The following MYBPC1 variants were observed in gnomAD, a reference collection of about 807,000 sequenced individuals.
MYBPC1 encodes myosin binding protein C1.
A neutral mutation model predicts 147.1 loss-of-function variants in MYBPC1; 52 were observed. The ratio of observed to expected loss-of-function variants is 0.35; its 90% CI spans 0.28 to 0.45. The LOEUF (loss-of-function observed/expected upper bound fraction) is 0.45, where lower values mean the gene tolerates loss of function less well. MYBPC1 is among the 20% of genes least tolerant of loss of function. MYBPC1 has a pLI of 1.00. For missense variants in MYBPC1, 1,228 were observed against 1,440.3 expected, an observed-to-expected ratio of 0.85 and a Z score of 2.39; for synonymous variants, 477 against 475.9, an observed-to-expected ratio of 1.00 and a Z score of -0.03.
chr12:101,622,056 G>A (rs73386364), intron 3 of MYBPC1, among the ~76,000 whole-genome samples: 5,235 of 152,232 alleles, frequency 0.034, 307 homozygotes, highest in African/African-American at 0.12. Context: ...GCCCTGCTAC[G>A]CTGAGTGTGT....
intron 10 of MYBPC1, among the ~76,000 whole-genome samples, chr12:101,641,405 CAA>C (rs1892010702): frequency 6.6e-6 from 1 of 152,084 alleles, no homozygotes; most frequent in African/African-American, 2.4e-5. Flanking sequence ...GCCTGTTTTC[CAA>C]AAGAGTGTTT....
chr12:101,668,470 T>C (rs984559686), intron 23 of MYBPC1, among the ~76,000 whole-genome samples: 10 of 152,146 alleles, frequency 6.6e-5, no homozygotes, highest in Non-Finnish European at 1.2e-4. Flanking sequence ...GTCTCTTTTT[T>C]TTATTTTTGA....
chr12:101,604,009 A>C (rs1881179770), intron 1 of MYBPC1, among the ~76,000 whole-genome samples: 1 of 152,176 alleles, frequency 6.6e-6, no homozygotes, highest in Non-Finnish European at 1.5e-5. Context: ...AACAATTCAA[A>C]TTGCTTTTGC....
At chr12:101,648,740 A>G (rs947051590) in intron 14 of MYBPC1, among the ~76,000 whole-genome samples, 1 of 152,232 alleles carries the variant, frequency 6.6e-6, no homozygotes. Flanking sequence ...TTTAGAAATA[A>G]GAGTTTATTT....
downstream of MYBPC1, among the ~76,000 whole-genome samples, chr12:101,691,010 A>G (rs1594112455): frequency 1.3e-5 from 2 of 152,354 alleles, no homozygotes; most frequent in East Asian, 1.9e-4. Context: ...TCACACAGAT[A>G]GCTTGACACC....
chr12:101,669,514 AATAGCAAGT>A (rs1265021742), intron 23 of MYBPC1, among the ~76,000 whole-genome samples: 7 of 152,326 alleles, frequency 4.6e-5, no homozygotes, highest in Admixed American at 3.3e-4. Flanking sequence ...GAGTCACCTA[AATAGCAAGT>A]GCTGGGTGCT....
intron 10 of MYBPC1, chr12:101,637,140 A>C (rs1489860745): frequency 1.3e-5 from 1 of 79,372 alleles, no homozygotes. Flanking sequence ...CAAGTCTAAG[A>C]CACCACTGCT....
At chr12:101,660,762 A>G (rs554856083) in intron 19 of MYBPC1, among the ~76,000 whole-genome samples, 2 of 152,254 alleles carry the variant, frequency 1.3e-5, no homozygotes, top group East Asian at 1.9e-4. Flanking sequence ...AGGCCTCACA[A>G]TCATGGTGGA....
intron 15 of MYBPC1, chr12:101,650,850 T>A: frequency 3.4e-6 from 1 of 294,802 alleles, no homozygotes; most frequent in Non-Finnish European, 6.6e-6. Context: ...GCTTGTGAAC[T>A]GTTGTGAAGC....
intron 22 of MYBPC1, chr12:101,666,538 T>G: frequency 1.8e-6 from 1 of 547,668 alleles, no homozygotes. Context: ...GTGCCTCAGG[T>G]CAGAAGCCAC....
At chr12:101,621,772 A>AT (rs2135927373) in intron 3 of MYBPC1, among the ~76,000 whole-genome samples, 1 of 152,146 alleles carries the variant, frequency 6.6e-6, no homozygotes, top group South Asian at 2.1e-4. Context: ...TTGGATAATT[A>AT]TAAGAATGTA....
Position 101,677,256 on chromosome 12 carries a change from C to G in MYBPC1, c.2971C>G (p.His991Asp). Residue 991 changes from histidine to aspartate, a missense_variant, in exon 27 of 32, where the codon CAT becomes GAT. Physicochemically the swap from His to Asp is moderately conservative, Grantham distance 81. Coordinates refer to ENST00000361466, the MANE Select transcript of MYBPC1 (RefSeq NM_002465.4). ...KSMEWFTVIE[H>D]YHRTSATITE... ...TTAGGAATGGTTTACTGTCATTGAGCATTATCATCGAACCAGTGCCACCAT... is the reference window on the plus strand; with the variant it reads ...TTAGGAATGGTTTACTGTCATTGAGGATTATCATCGAACCAGTGCCACCAT... The G allele has an allele frequency of 6.2e-7, 1 of 1,613,418 alleles. No individual in the cohort carries two copies. Among genetic ancestry groups the G allele is most frequent in the Middle Eastern group, 1.7e-4 (1 of 6,060 alleles).
chr12:101,626,873 T>G lies in MYBPC1; in HGVS notation c.105T>G (p.Asp35Glu). The G allele has an allele frequency of 6.2e-7, 1 of 1,612,258 alleles. No individual in the cohort carries two copies. The highest frequency in any genetic ancestry group is 8.5e-7 in the Non-Finnish European group (1 of 1,178,260). ...EKEAGTTPAKDEEEVSPPSAL... is the reference protein window; with the variant it reads ...EKEAGTTPAKEEEEVSPPSAL... The stretch of plus-strand genomic sequence containing the variant: ...TTTTACTCCTATTTCTTGTTTCAGA[T>G]GAAGAGGAAGTCTCCCCGCCTAGCG... Residue 35 changes from aspartate to glutamate, a missense_variant and splice_region_variant, in exon 4 of 32, where the codon GAT becomes GAG. This residue lies in a region of MYBPC1 where 151 missense variants were observed against 126.1 expected (regional missense o/e 1.20). Transcript: ENST00000361466.
At chr12:101,623,189 A>C (rs1887828168) in intron 3 of MYBPC1, among the ~76,000 whole-genome samples, 1 of 152,138 alleles carries the variant, frequency 6.6e-6, no homozygotes, top group Admixed American at 6.5e-5. Context: ...AAATACAAAA[A>C]TTAGCTGGGT....
intron 22 of MYBPC1, 42 bp from the exon 23 acceptor site, chr12:101,667,690 A>G (rs544303021): frequency 1.2e-6 from 2 of 1,611,410 alleles, no homozygotes; most frequent in Non-Finnish European, 1.7e-6. Flanking sequence ...TTTTCACTAA[A>G]CAGCATTCCT....
chr12:101,668,256 CTATTTTCATAATAT>C (rs1467540673), intron 23 of MYBPC1, among the ~76,000 whole-genome samples: 1 of 152,144 alleles, frequency 6.6e-6, no homozygotes, highest in East Asian at 1.9e-4. Flanking sequence ...AGGGTCAGAA[CTATTTTCATAATAT>C]TATGAAAATA....
At chr12:101,615,074 C>A in intron 2 of MYBPC1, 1 of 176,246 alleles carries the variant, frequency 5.7e-6, no homozygotes, top group Non-Finnish European at 1.2e-5. Flanking sequence ...GTTCTTAGCA[C>A]CATATTGTCC....
chr12:101,602,886 G>A (rs1213937489), intron 1 of MYBPC1, among the ~76,000 whole-genome samples: 2 of 152,162 alleles, frequency 1.3e-5, no homozygotes, highest in South Asian at 2.1e-4. Flanking sequence ...TCCAATTCGG[G>A]GGTCTGTAGT....
chr12:101,690,571 A>T (rs1951398387), downstream of MYBPC1, among the ~76,000 whole-genome samples: 1 of 152,244 alleles, frequency 6.6e-6, no homozygotes, highest in Non-Finnish European at 1.5e-5. Flanking sequence ...ATTTTAGAGC[A>T]GTAGAAGATA....
Sources: allele counts gnomAD v4.1 joint callset (sites outside exome capture counted in the v4.1 genomes callset), GRCh38; gene constraint gnomAD v4.1.1; regional missense constraint gnomAD v4.1.1; transcripts MANE v1.5; gene names NCBI Gene and HGNC (gene_info 2026-07-23, HGNC 2026-07-21).